Variants in SNX7 observed in about 807,000 individuals in gnomAD.
The protein encoded by SNX7 is sorting nexin-7.
In SNX7, 35 loss-of-function variants were observed where a neutral mutation model predicts 48.4. The ratio of observed to expected loss-of-function variants is 0.72; its 90% CI spans 0.55 to 0.96. SNX7 has a LOEUF of 0.96. Among genes scored for constraint, SNX7 ranks in the 40% least tolerant of loss-of-function variants. The pLI, the probability that SNX7 is intolerant of heterozygous loss-of-function variation, is 0.00. For synonymous variants in SNX7, 190 were observed against 190.2 expected (o/e 1.00, Z 0.01); for missense variants, 553 against 548.9 (o/e 1.01, Z -0.07).
chr1:98,663,022 A>G (rs893656652), intron 1 of SNX7, among the ~76,000 whole-genome samples: 15 of 152,226 alleles, frequency 9.9e-5, no homozygotes, highest in African/African-American at 3.6e-4. Flanking sequence ...TCTGTTAAGT[A>G]GTAAAACAAT....
At chr1:98,716,616 T>C (rs535859547) in intron 7 of SNX7, among the ~76,000 whole-genome samples, 7 of 152,230 alleles carry the variant, frequency 4.6e-5, no homozygotes, top group African/African-American at 1.7e-4. Flanking sequence ...GAGATTTTGA[T>C]AAGAAAGTTA....
intron 8 of SNX7, among the ~76,000 whole-genome samples, chr1:98,746,297 G>T (rs1167077062): frequency 9.2e-5 from 14 of 152,028 alleles, no homozygotes; most frequent in Non-Finnish European, 2.9e-5. Context: ...TCGAATTATT[G>T]TATATTTGTG....
chr1:98,710,728 C>T (rs1051732704), intron 7 of SNX7, among the ~76,000 whole-genome samples: 1 of 152,296 alleles, frequency 6.6e-6, no homozygotes, highest in Non-Finnish European at 1.5e-5. Flanking sequence ...ACTCCTGGCC[C>T]TGCCTGGGCA....
At chr1:98,713,184 A>T (rs999618271) in intron 7 of SNX7, among the ~76,000 whole-genome samples, 2 of 151,458 alleles carry the variant, frequency 1.3e-5, no homozygotes, top group African/African-American at 4.9e-5. Flanking sequence ...GATCTTCTGG[A>T]TAACTTGTTA....
chr1:98,733,014 C>T (rs1210727381), intron 7 of SNX7, among the ~76,000 whole-genome samples: 5 of 152,054 alleles, frequency 3.3e-5, no homozygotes, highest in African/African-American at 1.2e-4. Flanking sequence ...CCCAGCCTGC[C>T]CAAACCACCC....
chr1:98,695,665 A>G lies in SNX7; in HGVS notation c.787A>G (p.Lys263Glu), dbSNP rs146752364. The G allele has an allele frequency of 4.4e-5, 70 of 1,605,986 alleles. No homozygotes were observed. The African/African-American group carries it at 8.8e-4, about 20-fold the overall frequency. Residue 263 changes from lysine to glutamate, a missense_variant, in exon 5 of 9, where the codon AAA becomes GAA. Lys to Glu is a moderately conservative substitution (Grantham distance 56). Coordinates refer to ENST00000306121, the MANE Select transcript of SNX7 (RefSeq NM_015976.5). The stretch of plus-strand genomic sequence containing the variant: ...TAACTTTATTGAACTATTTAGCCAG[A>G]AAATAAATTTGATAGATAAAATATC... ...MNNFIELFSQ[K>E]INLIDKISQR...
intron 7 of SNX7, among the ~76,000 whole-genome samples, chr1:98,720,624 T>A (rs940599806): frequency 6.6e-6 from 1 of 152,126 alleles, no homozygotes; most frequent in African/African-American, 2.4e-5. Flanking sequence ...TGCTGTTTAC[T>A]CTTACATTTG....
chr1:98,716,805 A>G (rs931388047), intron 7 of SNX7, among the ~76,000 whole-genome samples: 1 of 152,132 alleles, frequency 6.6e-6, no homozygotes, highest in African/African-American at 2.4e-5. Flanking sequence ...AAATCAAAGC[A>G]AAAAGGAATA....
At chr1:98,731,714 C>A (rs1280074528) in intron 7 of SNX7, among the ~76,000 whole-genome samples, 1 of 151,886 alleles carries the variant, frequency 6.6e-6, no homozygotes, top group Admixed American at 6.6e-5. Context: ...TATTTTAGTC[C>A]ATTGAAACAC....
intron 8 of SNX7, among the ~76,000 whole-genome samples, chr1:98,747,767 T>G (rs376146466): frequency 1.3e-5 from 2 of 152,248 alleles, no homozygotes; most frequent in African/African-American, 2.4e-5. Context: ...GATTTTATTT[T>G]TATTTATTTC....
chr1:98,672,333 A>C (rs1649916645), intron 1 of SNX7, among the ~76,000 whole-genome samples: 2 of 151,644 alleles, frequency 1.3e-5, no homozygotes, highest in Admixed American at 1.3e-4. Flanking sequence ...TAATATGAGC[A>C]CTGGTGGAAA....
At chr1:98,732,910 T>G (rs1454878071) in intron 7 of SNX7, among the ~76,000 whole-genome samples, 5 of 152,152 alleles carry the variant, frequency 3.3e-5, no homozygotes, top group Admixed American at 2.6e-4. Flanking sequence ...TCAGTTTTAC[T>G]TATTTCCTTA....
chr1:98,701,737 T>C, intron 6 of SNX7, 80 bp from the exon 7 acceptor site: 1 of 872,040 alleles, frequency 1.1e-6, no homozygotes, highest in South Asian at 2.2e-5. Context: ...CTATTTATAT[T>C]CTGAAATATA....
At chr1:98,679,669 C>T (rs1236651094) in intron 1 of SNX7, among the ~76,000 whole-genome samples, 1 of 152,172 alleles carries the variant, frequency 6.6e-6, no homozygotes, top group Non-Finnish European at 1.5e-5. Context: ...GGGCTACAGG[C>T]TCATGCAAGT....
In SNX7 at chr1:98,661,885, G is replaced by GAGGACC; in HGVS notation, c.159_160insCAGGAC (p.Asp53_Asp54insGlnAsp). 1 of 1,247,262 alleles carries GAGGACC rather than the reference G, an allele frequency of 8.0e-7. No homozygotes were observed. The highest frequency in any genetic ancestry group is 1.0e-6 in the Non-Finnish European group (1 of 987,452). 77.3% of individuals were successfully genotyped at this position (1,247,262 alleles called of 1,614,324 possible). A position where few individuals can be genotyped will look rare whatever the true frequency, so the allele number is the denominator to read the frequency against. ...GGAGGTGCTGGATCTGGACGAGGAC[G>GAGGACC]AGGACGACCTGGAGGTGTTCAGCAA... On this transcript the variant is annotated inframe_insertion, in exon 1 of 9. Coordinates refer to ENST00000306121, the MANE Select transcript of SNX7 (RefSeq NM_015976.5).
chr1:98,662,048 G>A (rs894752566), intron 1 of SNX7, 137 bp downstream of exon 1: 32 of 983,886 alleles, frequency 3.3e-5, no homozygotes, highest in Non-Finnish European at 3.9e-5. Flanking sequence ...GAGGTCCCCC[G>A]GGCTGCTGGA....
chr1:98,717,919 G>GA (rs553233263), intron 7 of SNX7, among the ~76,000 whole-genome samples: 9 of 151,890 alleles, frequency 5.9e-5, no homozygotes, highest in Non-Finnish European at 1.3e-4. Flanking sequence ...AACTTAGTGA[G>GA]AAAAAAGACA....
At chr1:98,709,299 T>C (rs1227603522) in intron 7 of SNX7, among the ~76,000 whole-genome samples, 1 of 152,174 alleles carries the variant, frequency 6.6e-6, no homozygotes, top group African/African-American at 2.4e-5. Flanking sequence ...GCAGTCCTGC[T>C]TCTGAGACCT....
At chr1:98,735,298 CTTATTATGTTAGTGT>C (rs1557830157) in intron 7 of SNX7, among the ~76,000 whole-genome samples, 1 of 151,990 alleles carries the variant, frequency 6.6e-6, no homozygotes, top group East Asian at 1.9e-4. Flanking sequence ...GTGTTTTGTG[CTTATTATGTTAGTGT>C]TTCTTAGAAT....
Sources: gnomAD v4.1 joint callset for allele counts (sites outside exome capture counted in the v4.1 genomes callset) on GRCh38, gnomAD v4.1.1 for gene constraint, MANE v1.5 for transcripts, NCBI Gene and HGNC (gene_info 2026-07-23, HGNC 2026-07-21) for gene names.